Variants in ROBO2 observed in about 807,000 individuals in gnomAD.
ROBO2 encodes the protein roundabout homolog 2.
Under a neutral mutation model 160.8 loss-of-function variants are expected in ROBO2, and 53 were observed. The observed-to-expected ratio is 0.33, with a 90% CI of 0.26 to 0.41. The LOEUF (loss-of-function observed/expected upper bound fraction) is 0.41, where lower values mean the gene tolerates loss of function less well. Among genes scored for constraint, ROBO2 ranks in the 10% least tolerant of loss-of-function variants. ROBO2 has a pLI of 1.00. For synonymous variants in ROBO2, 664 were observed against 611.7 expected, an observed-to-expected ratio of 1.09 and a Z score of -1.26; for missense variants, 1,577 against 1,722.4, an observed-to-expected ratio of 0.92 and a Z score of 1.49.
intron 2 of ROBO2, among the ~76,000 whole-genome samples, chr3:76,080,008 A>G (rs957917285): frequency 2.0e-5 from 3 of 152,158 alleles, no homozygotes; most frequent in African/African-American, 7.2e-5. Flanking sequence ...AGATAACATA[A>G]TTGGCCTTCA....
intron 2 of ROBO2, among the ~76,000 whole-genome samples, chr3:77,272,255 A>G (rs542853659): frequency 6.6e-6 from 1 of 152,226 alleles, no homozygotes; most frequent in Admixed American, 6.5e-5. Context: ...GAAATACCTG[A>G]GATTGGGTAA....
At chr3:76,272,115 T>G (rs905576072) in intron 2 of ROBO2, among the ~76,000 whole-genome samples, 1 of 152,090 alleles carries the variant, frequency 6.6e-6, no homozygotes, top group Non-Finnish European at 1.5e-5. Flanking sequence ...TATTGCAAAG[T>G]TATTATTGCC....
At chr3:76,586,303 G>C (rs1355086633) in intron 2 of ROBO2, among the ~76,000 whole-genome samples, 1 of 152,130 alleles carries the variant, frequency 6.6e-6, no homozygotes, top group Non-Finnish European at 1.5e-5. Context: ...GCCATAATTA[G>C]ACATTTAATT....
intron 24 of ROBO2, chr3:77,642,685 C>T (rs1297679034): frequency 2.2e-6 from 1 of 456,478 alleles, no homozygotes; most frequent in East Asian, 7.0e-5. Context: ...TCCACCACCA[C>T]CAGATCCCCC....
At chr3:77,389,136 GT>G (rs2074442411) in intron 2 of ROBO2, among the ~76,000 whole-genome samples, 1 of 152,080 alleles carries the variant, frequency 6.6e-6, no homozygotes, top group Non-Finnish European at 1.5e-5. Flanking sequence ...TAGAGACAGG[GT>G]TTTACCATGT....
chr3:76,971,558 A>T (rs183346157), intron 2 of ROBO2, among the ~76,000 whole-genome samples: 147 of 152,296 alleles, frequency 9.7e-4, no homozygotes, highest in Admixed American at 6.7e-3. Context: ...CTCTAAAAAA[A>T]AAATAAATAA....
chr3:77,170,772 A>T lies in ROBO2; in HGVS notation c.388+72432A>T, dbSNP rs571007928. ...ATTTACCTCTCTTAAATGTCTACAT[A>T]TTAATGACATTAAAAATAAAATAAT... is the stretch of plus-strand genomic sequence containing the variant. On this transcript the variant is annotated intron_variant, in intron 2 of 25. Transcript: ENST00000461745. Among the ~76,000 whole-genome samples the T allele has an allele frequency of 2.0e-5, 3 of 152,302 alleles. No individual in the cohort carries two copies. The East Asian group carries it at 5.8e-4, about 29-fold the overall frequency.
chr3:77,017,314 A>G lies in ROBO2; in HGVS notation c.110-80700A>G, dbSNP rs908639365. 2.0e-5 allele frequency among the ~76,000 whole-genome samples: 3 copies of G among 152,214 alleles called. No individual in the cohort carries two copies. The East Asian group carries it at 5.8e-4, about 29-fold the overall frequency. ...AGTTAAAAACAAAACAACCACAACA[A>G]AAAACCTTCTTCTGTAAAAGAAAGA... On this transcript the variant is annotated intron_variant, in intron 2 of 26. Transcript: ENST00000487694.
chr3:76,109,337 A>T (rs577249298), intron 2 of ROBO2, among the ~76,000 whole-genome samples: 169 of 152,220 alleles, frequency 1.1e-3, no homozygotes, highest in Middle Eastern at 3.4e-3. Flanking sequence ...TTTTAAAAAA[A>T]CTAAAGAATT....
At chr3:76,828,649 G>A (rs1559565626) in intron 2 of ROBO2, among the ~76,000 whole-genome samples, 3 of 152,016 alleles carry the variant, frequency 2.0e-5, no homozygotes, top group South Asian at 4.1e-4. Context: ...GCTCTTTAAA[G>A]CATCATAAAA....
At chr3:76,265,948 C>G (rs1185618427) in intron 2 of ROBO2, among the ~76,000 whole-genome samples, 1 of 152,072 alleles carries the variant, frequency 6.6e-6, no homozygotes, top group South Asian at 2.1e-4. Context: ...GGTAAGTAAG[C>G]TCTTCAATAG....
chr3:76,446,731 A>G (rs1170553228), intron 2 of ROBO2, among the ~76,000 whole-genome samples: 3 of 152,202 alleles, frequency 2.0e-5, no homozygotes, highest in Non-Finnish European at 4.4e-5. Flanking sequence ...CTCAGAAATA[A>G]TACCACACAG....
chr3:76,523,704 G>T (rs1208468701), intron 2 of ROBO2, among the ~76,000 whole-genome samples: 1 of 151,890 alleles, frequency 6.6e-6, no homozygotes, highest in African/African-American at 2.4e-5. Context: ...TCTCTTTTCT[G>T]GTGATGGGAA....
At chr3:77,495,659 C>T (rs947569598) in intron 5 of ROBO2, among the ~76,000 whole-genome samples, 2 of 152,108 alleles carry the variant, frequency 1.3e-5, no homozygotes, top group East Asian at 3.9e-4. Context: ...TTGGATTAGC[C>T]GGATTAGACT....
At chr3:75,972,983 C>T (rs185630077) in intron 2 of ROBO2, among the ~76,000 whole-genome samples, 14 of 151,586 alleles carry the variant, frequency 9.2e-5, no homozygotes, top group African/African-American at 2.4e-4. Flanking sequence ...AACCATAATC[C>T]GTGAAAAAAT....
At chr3:76,925,217 A>AT (rs1329837577) in intron 2 of ROBO2, among the ~76,000 whole-genome samples, 17 of 137,276 alleles carry the variant, frequency 1.2e-4, no homozygotes, top group African/African-American at 2.8e-4. Context: ...TCTCAAAAAA[A>AT]AAAAAAAAAA....
At chr3:77,287,228 GCTA>G (rs1419562571) in intron 2 of ROBO2, among the ~76,000 whole-genome samples, 5 of 152,126 alleles carry the variant, frequency 3.3e-5, no homozygotes, top group Non-Finnish European at 5.9e-5. Flanking sequence ...ATGCACACAT[GCTA>G]CCATTAGAGA....
chr3:76,752,336 T>A (rs368021566), intron 2 of ROBO2, among the ~76,000 whole-genome samples: 1 of 151,424 alleles, frequency 6.6e-6, no homozygotes, highest in Admixed American at 6.6e-5. Context: ...ATACCTAATG[T>A]TAAATGACGA....
At chr3:77,130,761 C>CTG (rs1461179633) in intron 2 of ROBO2, among the ~76,000 whole-genome samples, 1 of 152,114 alleles carries the variant, frequency 6.6e-6, no homozygotes, top group Non-Finnish European at 1.5e-5. Flanking sequence ...CCATGCACCT[C>CTG]TGTGTGTGTG....
Sources: gnomAD v4.1 joint callset for allele counts (sites outside exome capture counted in the v4.1 genomes callset) on GRCh38, gnomAD v4.1.1 for gene constraint, MANE v1.5 for transcripts, NCBI Gene and HGNC (gene_info 2026-07-23, HGNC 2026-07-21) for gene names.